Variants in BCL2 observed in about 807,000 individuals in gnomAD.
BCL2 encodes BCL2 apoptosis regulator.
In BCL2, 1 loss-of-function variant was observed where a neutral mutation model predicts 14.2. The observed-to-expected ratio is 0.07, with a 90% CI of 0.02 to 0.33. The LOEUF is 0.33. Among genes scored for constraint, BCL2 ranks in the 10% least tolerant of loss-of-function variants. The pLI, the probability that BCL2 is intolerant of heterozygous loss-of-function variation, is 0.99. For missense variants in BCL2, 247 were observed against 305.9 expected (o/e 0.81, Z 1.44); for synonymous variants, 151 against 137.2 (o/e 1.10, Z -0.70).
chr18:63,248,332 G>A (rs920544671), intron 2 of BCL2, among the ~76,000 whole-genome samples: 1 of 152,300 alleles, frequency 6.6e-6, no homozygotes, highest in East Asian at 1.9e-4. Flanking sequence ...AACAAACTAC[G>A]TCGTCAGGTT....
At position 63,201,474 on chromosome 18, in the gene BCL2, A is replaced by T. The variant is rs150102808; in HGVS notation, c.586-72715T>A. ...TACGGAATCAGTGACTCTTAAATAA[A>T]TCTCTTTAAAAAGGAAATAAATGTG... On this transcript the variant is annotated intron_variant, in intron 2 of 2. Transcript: ENST00000333681. Among the ~76,000 whole-genome samples the T allele has an allele frequency of 5.6e-4, 86 of 152,326 alleles. No homozygotes were observed. In the East Asian group the frequency reaches 0.016, roughly 29 times the overall value.
rs111284163 is a variant in BCL2, at chr18:63,260,294, T to C, written c.585+57788A>G. ...CACGCACACACACAGCAATGTATCA[T>C]TTGAAAACGGAGGCATAGTTCCCTA... On this transcript the variant is annotated intron_variant, in intron 2 of 2. Transcript: ENST00000333681. 2.9e-3 allele frequency among the ~76,000 whole-genome samples: 446 copies of C among 152,318 alleles called. 1 individual carries two copies. Among genetic ancestry groups the C allele is most frequent in the African/African-American group, 0.01 (425 of 41,566 alleles).
At chr18:63,216,126 G>T (rs1251844900) in intron 2 of BCL2, among the ~76,000 whole-genome samples, 5 of 151,882 alleles carry the variant, frequency 3.3e-5, no homozygotes, top group African/African-American at 4.8e-5. Context: ...TTTGGTGGTG[G>T]GTTATGAGTG....
intron 2 of BCL2, among the ~76,000 whole-genome samples, chr18:63,237,298 C>T (rs889445310): frequency 2.0e-5 from 3 of 152,168 alleles, no homozygotes; most frequent in Non-Finnish European, 4.4e-5. Context: ...CCTGAAGCTG[C>T]ACCACATGCA....
rs1255986004 is a variant in BCL2 at position 63,317,714 on chromosome 18, C to A, written c.585+368G>T. The A allele has an allele frequency of 2.7e-6, 3 of 1,110,814 alleles. No individual in the cohort carries two copies. The African/African-American group carries it at 4.9e-5, about 18-fold the overall frequency. The allele number at this position is 1,110,814 out of a possible 1,614,324, so 68.8% of individuals were successfully genotyped here. On this transcript the variant is annotated intron_variant, in intron 2 of 2. Transcript: ENST00000333681. ...TCTGGTTCATAAGCAGTCCCTGAAA[C>A]CTCCCTCCGGTTCCAACAAGCTGCT...
chr18:63,212,720 T>TA (rs992531995), intron 2 of BCL2, among the ~76,000 whole-genome samples: 16 of 151,784 alleles, frequency 1.1e-4, no homozygotes, highest in East Asian at 3.9e-4. Context: ...ACTAAAAATA[T>TA]AAAAAATTAG....
intron 2 of BCL2, chr18:63,313,977 C>A (rs1457927245): frequency 1.3e-5 from 2 of 152,122 alleles, no homozygotes; most frequent in South Asian, 4.1e-4. Flanking sequence ...CAAAAGAAAG[C>A]CATGTTTTCA....
At chr18:63,295,489 T>A (rs925515871) in intron 2 of BCL2, among the ~76,000 whole-genome samples, 1 of 152,158 alleles carries the variant, frequency 6.6e-6, no homozygotes, top group African/African-American at 2.4e-5. Flanking sequence ...TTCTTGCTGA[T>A]TCTCTGGCCT....
intron 2 of BCL2, among the ~76,000 whole-genome samples, chr18:63,274,696 C>T (rs537307648): frequency 1.3e-4 from 20 of 152,266 alleles, no homozygotes; most frequent in Admixed American, 5.9e-4. Flanking sequence ...TGCAGGGCAA[C>T]AAGCTTTCCT....
intron 2 of BCL2, among the ~76,000 whole-genome samples, chr18:63,227,076 T>A (rs1466665529): frequency 6.7e-6 from 1 of 150,148 alleles, no homozygotes; most frequent in Non-Finnish European, 1.5e-5. Context: ...TAAAGCAATA[T>A]GAGAGAGAGA....
rs528450229 is a variant in BCL2 at position 63,199,158 on chromosome 18, C to T, written c.586-70399G>A. ...ACAGACACAGAGACGCAGACACACA[C>T]ACCACACACATCACATAGACACATA... On this transcript the variant is annotated intron_variant, in intron 2 of 2. Transcript: ENST00000333681. Among the ~76,000 whole-genome samples, 20 of 149,894 alleles carry T rather than the reference C, an allele frequency of 1.3e-4. No homozygotes were observed. In the South Asian group the frequency reaches 4.3e-3, roughly 32 times the overall value.
In BCL2 at chr18:63,183,710, TGGGGCG is replaced by T. The variant is rs1915529207; in HGVS notation, c.586-54957_586-54952del. ...AGGAAACACGCCATCGCCTTCTGCATGGGGCGGGGGCGGGGGGCTTAAACAGATGTC... is the reference window on the plus strand; with the variant it reads ...AGGAAACACGCCATCGCCTTCTGCATGGGGCGGGGGGCTTAAACAGATGTC... On this transcript the variant is annotated intron_variant, in intron 2 of 2. Transcript: ENST00000333681. Among the ~76,000 whole-genome samples, 3 of 152,264 alleles carry T rather than the reference TGGGGCG, an allele frequency of 2.0e-5. No individual in the cohort carries two copies. The South Asian group carries it at 6.2e-4, about 32-fold the overall frequency.
chr18:63,180,920 A>G (rs576455077), intron 2 of BCL2, among the ~76,000 whole-genome samples: 2 of 152,298 alleles, frequency 1.3e-5, no homozygotes, highest in African/African-American at 2.4e-5. Flanking sequence ...CATTCCCACA[A>G]TGCCCAGTGG....
Position 63,230,783 on chromosome 18 carries a change from A to G in BCL2, c.585+87299T>C, listed in dbSNP as rs147974253. ...CACATAAAAATATGGAAAAAGAACAAAGAATCCTGAATGTATTTTTATGAG... is the reference window on the plus strand; with the variant it reads ...CACATAAAAATATGGAAAAAGAACAGAGAATCCTGAATGTATTTTTATGAG... On this transcript the variant is annotated intron_variant, in intron 2 of 2. Coordinates refer to ENST00000333681, the MANE Select transcript of BCL2 (RefSeq NM_000633.3). 5.5e-3 allele frequency among the ~76,000 whole-genome samples: 830 copies of G among 152,214 alleles called. 4 individuals are homozygous for G. The highest frequency in any genetic ancestry group is 0.01 in the Middle Eastern group (3 of 294).
At chr18:63,165,940 A>T (rs1915033600) in intron 2 of BCL2, among the ~76,000 whole-genome samples, 1 of 152,244 alleles carries the variant, frequency 6.6e-6, no homozygotes, top group Non-Finnish European at 1.5e-5. Flanking sequence ...AAATGGGCAG[A>T]GTTCGTTTGC....
At chr18:63,232,428 T>A (rs1248933513) in intron 2 of BCL2, among the ~76,000 whole-genome samples, 1 of 152,122 alleles carries the variant, frequency 6.6e-6, no homozygotes, top group Admixed American at 6.5e-5. Context: ...CACTTAGTAC[T>A]CTATAAGGAA....
At position 63,144,905 on chromosome 18, in the gene BCL2, G is replaced by A. The variant is rs535380531; in HGVS notation, c.586-16146C>T. Among the ~76,000 whole-genome samples, 3 of 152,344 alleles carry A rather than the reference G, an allele frequency of 2.0e-5. No individual in the cohort carries two copies. The East Asian group carries it at 5.8e-4, about 29-fold the overall frequency. ...CCCGCCGCCCTGGGCACTGTGCAAG[G>A]CTGGATCCCACGGGAACGTGTGCGG... is the stretch of plus-strand genomic sequence containing the variant. On this transcript the variant is annotated intron_variant, in intron 2 of 2. Coordinates refer to ENST00000333681, the MANE Select transcript of BCL2 (RefSeq NM_000633.3).
chr18:63,183,434 G>A (rs920751607), intron 2 of BCL2, among the ~76,000 whole-genome samples: 3 of 152,168 alleles, frequency 2.0e-5, no homozygotes, highest in Admixed American at 6.5e-5. Flanking sequence ...GGGGCACAGA[G>A]CTGTTTGGGA....
In BCL2 at chr18:63,145,639, C is replaced by T. The variant is rs933111720; in HGVS notation, c.586-16880G>A. Among the ~76,000 whole-genome samples the T allele has an allele frequency of 3.3e-5, 5 of 152,192 alleles. No homozygotes were observed. In the South Asian group the frequency reaches 1.0e-3, roughly 32 times the overall value. On this transcript the variant is annotated intron_variant, in intron 2 of 2. Transcript: ENST00000333681. ...ACCAAGCATTTAATCCTTTAATGTT[C>T]GATGTGTTACTGGAAGGCCAGAAGT...
Sources: gnomAD v4.1 joint callset for allele counts (sites outside exome capture counted in the v4.1 genomes callset) on GRCh38, gnomAD v4.1.1 for gene constraint, MANE v1.5 for transcripts, NCBI Gene and HGNC (gene_info 2026-07-23, HGNC 2026-07-21) for gene names.